Variants in NINJ1 observed in about 807,000 individuals in gnomAD.
NINJ1 encodes ninjurin 1, also known as ninjurin-1.
A neutral mutation model predicts 12.7 loss-of-function variants in NINJ1; 6 were observed. That is an observed-to-expected ratio of 0.47 (90% CI 0.26 to 0.93). The LOEUF (loss-of-function observed/expected upper bound fraction) is 0.93, where lower values mean the gene tolerates loss of function less well. NINJ1 is among the 40% of genes least tolerant of loss of function. The pLI, the probability that NINJ1 is intolerant of heterozygous loss-of-function variation, is 0.15. For missense variants in NINJ1, 170 were observed against 213.0 expected (o/e 0.80, Z 1.26); for synonymous variants, 100 against 96.0 (o/e 1.04, Z -0.25).
chr9:93,133,134 G>C (rs947234328), intron 1 of NINJ1, among the ~76,000 whole-genome samples: 1 of 152,130 alleles, frequency 6.6e-6, no homozygotes, highest in Non-Finnish European at 1.5e-5. Flanking sequence ...CAGTGCGACA[G>C]CTCCTCTCTA....
At chr9:93,124,654 C>T (rs1413570404) in intron 3 of NINJ1, among the ~76,000 whole-genome samples, 1 of 151,964 alleles carries the variant, frequency 6.6e-6, no homozygotes, top group East Asian at 1.9e-4. Flanking sequence ...CCAGGATGTT[C>T]AAATGGTGGC....
At chr9:93,126,130 C>T in intron 2 of NINJ1, 1 of 448,218 alleles carries the variant, frequency 2.2e-6, no homozygotes, top group Non-Finnish European at 4.0e-6. Flanking sequence ...CCAGGAGATG[C>T]AGCTTGCAGT....
At chr9:93,124,709 G>A (rs1827784175) in intron 3 of NINJ1, among the ~76,000 whole-genome samples, 190 bp downstream of exon 3, 1 of 152,182 alleles carries the variant, frequency 6.6e-6, no homozygotes. Flanking sequence ...AGGACCCCAG[G>A]TGGCCAGCAC....
chr9:93,124,551 C>T (rs538470908), intron 3 of NINJ1, among the ~76,000 whole-genome samples: 1 of 150,740 alleles, frequency 6.6e-6, no homozygotes, highest in African/African-American at 2.4e-5. Context: ...CTGGGATTAC[C>T]GGCATGAGCC....
chr9:93,134,203 G>C lies in NINJ1; in HGVS notation c.15C>G (p.Thr5=), dbSNP rs759874225. Residue 5 remains threonine, a synonymous_variant, in exon 1 of 4, where the codon ACC becomes ACG. Coordinates refer to ENST00000375446, the MANE Select transcript of NINJ1 (RefSeq NM_004148.4). The part of the protein sequence containing the change: MDSG[T]EEYELNGGLP... ...GGCCGCCGTTGAGCTCGTACTCCTC[G>C]GTTCCCGAGTCCATGGTGCGGCCGC... 7.2e-6 allele frequency: 11 copies of C among 1,518,800 alleles called. No homozygotes were observed. In the Admixed American group the frequency reaches 2.2e-4, roughly 31 times the overall value. The allele number at this position is 1,518,800 out of a possible 1,614,324, so 94.1% of individuals were successfully genotyped here. A position where few individuals can be genotyped will look rare whatever the true frequency, so the allele number is the denominator to read the frequency against.
At position 93,128,287 on chromosome 9, in the gene NINJ1, A is replaced by C. The variant is rs539843519; in HGVS notation, c.76-1649T>G. Reference sequence around the variant, plus strand: ...TCTCCCACCCTGGGCCTGACGCTGCACTCCCTGGGATTCCCCCAGGCCCCA... The same window carrying C: ...TCTCCCACCCTGGGCCTGACGCTGCCCTCCCTGGGATTCCCCCAGGCCCCA... On this transcript the variant is annotated intron_variant, in intron 1 of 3. Transcript: ENST00000375446. 1.4e-4 allele frequency among the ~76,000 whole-genome samples: 21 copies of C among 152,104 alleles called. No individual in the cohort carries two copies. The East Asian group carries it at 3.9e-3, about 28-fold the overall frequency.
chr9:93,133,410 G>A (rs965441023), intron 1 of NINJ1, among the ~76,000 whole-genome samples: 2 of 152,240 alleles, frequency 1.3e-5, no homozygotes, highest in Non-Finnish European at 2.9e-5. Context: ...GGCCATGCCA[G>A]GACCTTGCAA....
At chr9:93,131,782 G>A (rs1827897085) in intron 1 of NINJ1, among the ~76,000 whole-genome samples, 1 of 152,352 alleles carries the variant, frequency 6.6e-6, no homozygotes, top group South Asian at 2.1e-4. Flanking sequence ...GGGGAGACCT[G>A]AGAGCTTCCC....
intron 2 of NINJ1, 76 bp from the exon 3 acceptor site, chr9:93,125,138 A>C (rs149543944): frequency 2.7e-6 from 4 of 1,454,864 alleles, no homozygotes; most frequent in Non-Finnish European, 3.7e-6. Flanking sequence ...GTGGAAGGGG[A>C]CCCACCCCAG....
chr9:93,126,208 CA>C, intron 2 of NINJ1: 3 of 558,222 alleles, frequency 5.4e-6, no homozygotes, highest in Non-Finnish European at 9.2e-6. Flanking sequence ...AAAAACAAAA[CA>C]AAACAAAACA....
Position 93,125,049 on chromosome 9 carries a change from A to T in NINJ1, c.318T>A (p.Leu106=). The change falls in exon 3 of 4, where the codon CTT becomes CTA. Residue 106 remains leucine, a synonymous_variant. Transcript: ENST00000375446. ...VLLIFLVKYD[L]NNPAKHAKLD... ...GCTTGGCGTGCTTGGCCGGGTTGTT[A>T]AGGTCGTACTTGACTGTGGGCGAGA... The T allele has an allele frequency of 6.2e-7, 1 of 1,612,992 alleles. No individual in the cohort carries two copies. Among genetic ancestry groups the T allele is most frequent in the African/African-American group, 1.3e-5 (1 of 75,032 alleles).
chr9:93,127,249 C>T (rs532346198), intron 1 of NINJ1, among the ~76,000 whole-genome samples: 2 of 152,338 alleles, frequency 1.3e-5, no homozygotes, highest in African/African-American at 2.4e-5. Context: ...ACCCAGAGCC[C>T]GGCCCCGACA....
intron 1 of NINJ1, 36 bp from the exon 2 acceptor site, chr9:93,126,674 G>A: frequency 1.3e-6 from 2 of 1,536,222 alleles, no homozygotes; most frequent in Non-Finnish European, 1.8e-6. Context: ...GGCGGGTGGG[G>A]GAGGGGGGCA....
intron 2 of NINJ1, chr9:93,126,146 G>A (rs1827806200): frequency 2.0e-5 from 10 of 504,092 alleles, no homozygotes; most frequent in Middle Eastern, 5.2e-4. Flanking sequence ...GCAGTGAGCC[G>A]AGACTGCGCC....
intron 3 of NINJ1, 41 bp from the exon 4 acceptor site, chr9:93,122,271 G>T (rs1454050416): frequency 6.5e-6 from 1 of 153,032 alleles, no homozygotes; most frequent in Non-Finnish European, 1.5e-5. Context: ...CCTGGAAGGA[G>T]GGAGAGGAGA....
chr9:93,129,656 G>A (rs1475813124), intron 1 of NINJ1, among the ~76,000 whole-genome samples: 1 of 152,184 alleles, frequency 6.6e-6, no homozygotes, highest in Non-Finnish European at 1.5e-5. Context: ...GAGAGGCTGT[G>A]TTCCTCTCCC....
intron 1 of NINJ1, among the ~76,000 whole-genome samples, chr9:93,133,267 CAG>C (rs1827923843): frequency 6.6e-6 from 1 of 152,212 alleles, no homozygotes; most frequent in South Asian, 2.1e-4. Context: ...AGCGAGTGGG[CAG>C]AGTGTCTTTG....
intron 3 of NINJ1, among the ~76,000 whole-genome samples, chr9:93,124,580 A>G (rs1265371105): frequency 4.8e-5 from 1 of 20,852 alleles, no homozygotes; most frequent in Admixed American, 6.0e-4. Context: ...TGACCCAGAA[A>G]TCTTTTTTTT....
rs1183558784 is a variant in NINJ1 at position 93,126,623 on chromosome 9, A to T, written c.91T>A (p.Trp31Arg). 1 of 1,600,288 alleles carries T rather than the reference A, an allele frequency of 6.2e-7. No homozygotes were observed. The highest frequency in any genetic ancestry group is 1.1e-5 in the South Asian group (1 of 90,440). Residue 31 changes from tryptophan to arginine, a missense_variant, in exon 2 of 4, where the codon TGG becomes AGG. Coordinates refer to ENST00000375446, the MANE Select transcript of NINJ1 (RefSeq NM_004148.4). ...SPDASPARWG[W>R]RHGPINVNHY... ...TTCACGTTGATGGGCCCGTGCCTCC[A>T]GCCCCAGCGGGCCGGCTGCAGGGAG...
Sources: gnomAD v4.1 joint callset for allele counts (sites outside exome capture counted in the v4.1 genomes callset) on GRCh38, gnomAD v4.1.1 for gene constraint, MANE v1.5 for transcripts, NCBI Gene and HGNC (gene_info 2026-07-23, HGNC 2026-07-21) for gene names.